TMEM87B: variants seen among roughly 807,000 people sequenced by gnomAD.
TMEM87B encodes the protein transmembrane protein 87B.
TMEM87B carries 83 observed loss-of-function variants against 80.3 expected under a neutral mutation model. The observed-to-expected ratio is 1.03, with a 90% CI of 0.87 to 1.24. The LOEUF (loss-of-function observed/expected upper bound fraction) is 1.24. Among genes scored for constraint, TMEM87B ranks in the 50% most tolerant of loss-of-function variants. The pLI is 0.00. For missense variants in TMEM87B, 625 were observed against 674.4 expected, an observed-to-expected ratio of 0.93 and a Z score of 0.81; for synonymous variants, 219 against 230.5, an observed-to-expected ratio of 0.95 and a Z score of 0.45.
chr2:112,094,161 CTTT>C (rs755031584), intron 11 of TMEM87B, among the ~76,000 whole-genome samples: 6 of 128,740 alleles, frequency 4.7e-5, no homozygotes, highest in Admixed American at 1.6e-4. Flanking sequence ...ATTTCTTGTT[CTTT>C]TTTTTTTTTT....
chr2:112,058,073 C>A (rs370701852), intron 1 of TMEM87B, among the ~76,000 whole-genome samples: 3 of 152,032 alleles, frequency 2.0e-5, no homozygotes, highest in South Asian at 2.1e-4. Context: ...GTGATCCTCC[C>A]GCCTCAGCCT....
intron 14 of TMEM87B, among the ~76,000 whole-genome samples, chr2:112,099,555 T>TATATATATACATAC (rs1019425429): frequency 2.9e-4 from 21 of 73,556 alleles, no homozygotes; most frequent in African/African-American, 9.5e-4. Flanking sequence ...TATATATATA[T>TATATATATACATAC]ACACACACAC....
chr2:112,110,763 A>G (rs749583717), intron 17 of TMEM87B, among the ~76,000 whole-genome samples: 9 of 150,658 alleles, frequency 6.0e-5, no homozygotes, highest in Non-Finnish European at 1.0e-4. Context: ...TCTTCTTTTT[A>G]TTTACTACAC....
At chr2:112,073,512 T>C (rs1678723123) in intron 4 of TMEM87B, among the ~76,000 whole-genome samples, 1 of 152,228 alleles carries the variant, frequency 6.6e-6, no homozygotes, top group South Asian at 2.1e-4. Flanking sequence ...AGCATTGTTT[T>C]ATTTCTCATT....
chr2:112,092,749 CGAGGGTCTTCTCTGATTCGATGACTCAAG>C (rs1256206129), intron 11 of TMEM87B, among the ~76,000 whole-genome samples: 4 of 152,090 alleles, frequency 2.6e-5, no homozygotes, highest in Non-Finnish European at 4.4e-5. Flanking sequence ...ACTGGATCCT[CGAGGGTCTTCTCTGATTCGATGACTCAAG>C]TTGAGTCTGG....
chr2:112,112,085 T>C (rs1323492496), intron 17 of TMEM87B, among the ~76,000 whole-genome samples: 1 of 152,190 alleles, frequency 6.6e-6, no homozygotes, highest in Non-Finnish European at 1.5e-5. Flanking sequence ...CTCCTGGCCC[T>C]CCTGGCTTCA....
At chr2:112,089,537 A>C in intron 9 of TMEM87B, 88 bp from the exon 10 acceptor site, 1 of 1,167,342 alleles carries the variant, frequency 8.6e-7, no homozygotes. Flanking sequence ...ACTTCCTGGT[A>C]TTGGAAATGG....
intron 8 of TMEM87B, among the ~76,000 whole-genome samples, chr2:112,085,040 A>G (rs1334258315): frequency 1.3e-5 from 2 of 152,200 alleles, no homozygotes; most frequent in Non-Finnish European, 2.9e-5. Context: ...TTCCCATAAA[A>G]CTTTATGTTC....
intron 3 of TMEM87B, among the ~76,000 whole-genome samples, chr2:112,065,021 C>T (rs750468404): frequency 4.9e-4 from 75 of 152,076 alleles, no homozygotes; most frequent in Non-Finnish European, 7.4e-4. Context: ...TGCAGTGGTG[C>T]GATCATGGCT....
At chr2:112,089,855 T>G in intron 10 of TMEM87B, 137 bp downstream of exon 10, 1 of 767,714 alleles carries the variant, frequency 1.3e-6, no homozygotes, top group Non-Finnish European at 2.1e-6. Flanking sequence ...ATGGGATGTT[T>G]CCCTTTTAAA....
intron 4 of TMEM87B, among the ~76,000 whole-genome samples, chr2:112,068,724 C>A (rs1359608984): frequency 6.6e-6 from 1 of 151,900 alleles, no homozygotes; most frequent in African/African-American, 2.4e-5. Context: ...GACAACAAAA[C>A]TGAGCACAAC....
rs1203057437 is a variant in TMEM87B at position 112,118,015 on chromosome 2, C to T, written c.*1872C>T. On this transcript the variant is annotated 3_prime_UTR_variant, in exon 19 of 19. Transcript: ENST00000283206. ...TTTACCAAAACATGTCTTTCTACAG[C>T]TGGTAGGATAAATGATGCTACCCTG... 6.7e-6 allele frequency: 1 copy of T among 150,364 alleles called. No individual in the cohort carries two copies. 9.3% of individuals were successfully genotyped at this position (150,364 alleles called of 1,614,324 possible).
intron 13 of TMEM87B, 126 bp from the exon 14 acceptor site, chr2:112,098,469 G>T: frequency 1.2e-6 from 1 of 812,378 alleles, no homozygotes; most frequent in Admixed American, 2.7e-5. Flanking sequence ...ATATGTGCTT[G>T]TTTATTTGGA....
chr2:112,060,125 A>G (rs1040949269), intron 2 of TMEM87B, 88 bp downstream of exon 2: 3 of 1,346,908 alleles, frequency 2.2e-6, no homozygotes, highest in East Asian at 6.0e-5. Context: ...AGGCAGGTGG[A>G]TCACAAGGTC....
At chr2:112,108,969 C>T (rs1018761553) in intron 17 of TMEM87B, among the ~76,000 whole-genome samples, 2 of 152,176 alleles carry the variant, frequency 1.3e-5, no homozygotes, top group African/African-American at 4.8e-5. Context: ...TTTTTGTTAA[C>T]ACTTATTATT....
At chr2:112,065,144 T>A (rs1280177231) in intron 3 of TMEM87B, among the ~76,000 whole-genome samples, 1 of 152,146 alleles carries the variant, frequency 6.6e-6, no homozygotes, top group Non-Finnish European at 1.5e-5. Context: ...CTTTCTGTAT[T>A]GTTATTAGTA....
chr2:112,069,116 C>T (rs1040345000), intron 4 of TMEM87B, among the ~76,000 whole-genome samples: 28 of 142,974 alleles, frequency 2.0e-4, no homozygotes, highest in South Asian at 1.4e-3. Context: ...GGCGTGAACC[C>T]GGGAAGCGGA....
intron 14 of TMEM87B, among the ~76,000 whole-genome samples, chr2:112,099,165 A>C (rs1486459662): frequency 6.6e-6 from 1 of 152,166 alleles, no homozygotes; most frequent in Non-Finnish European, 1.5e-5. Flanking sequence ...ATGTGATAGG[A>C]AGCCTCAGCT....
intron 6 of TMEM87B, among the ~76,000 whole-genome samples, chr2:112,079,738 T>C (rs1284846423): frequency 6.6e-6 from 1 of 152,208 alleles, no homozygotes; most frequent in Non-Finnish European, 1.5e-5. Flanking sequence ...AGCATCCCTT[T>C]TCTCCACATC....
Sources: allele counts gnomAD v4.1 joint callset (sites outside exome capture counted in the v4.1 genomes callset), GRCh38; gene constraint gnomAD v4.1.1; transcripts MANE v1.5; gene names NCBI Gene and HGNC (gene_info 2026-07-23, HGNC 2026-07-21).